The following LHFPL6 variants were observed in gnomAD, a reference collection of about 807,000 sequenced individuals.
LHFPL6 encodes LHFPL tetraspan subfamily member 6, also known as LHFPL tetraspan subfamily member 6 protein.
Under a neutral mutation model 20.6 loss-of-function variants are expected in LHFPL6, and 9 were observed. That is an observed-to-expected ratio of 0.44 (90% confidence interval 0.26 to 0.76). The LOEUF (loss-of-function observed/expected upper bound fraction) is 0.76, where lower values mean the gene tolerates loss of function less well. Among genes scored for constraint, LHFPL6 ranks in the 30% least tolerant of loss-of-function variants. The probability of loss-of-function intolerance (pLI) is 0.20; values close to 1 mark genes in which losing one functional copy is unlikely to be tolerated. For missense variants in LHFPL6, 218 were observed against 253.5 expected (o/e 0.86, Z 0.95); for synonymous variants, 105 against 98.7 (o/e 1.06, Z -0.38).
At position 39,537,301 on chromosome 13, in the gene LHFPL6, T is replaced by C. The variant is rs188161770; in HGVS notation, c.385+63531A>G. On this transcript the variant is annotated intron_variant, in intron 2 of 3. Coordinates refer to ENST00000379589, the MANE Select transcript of LHFPL6 (RefSeq NM_005780.3). Reference sequence around the variant, plus strand: ...GGATGATGCATCAAAACCTAGACCTTGGGTATAAAACACAAGTTTATGAAC... The same window carrying C: ...GGATGATGCATCAAAACCTAGACCTCGGGTATAAAACACAAGTTTATGAAC... Among the ~76,000 whole-genome samples the C allele has an allele frequency of 2.9e-3, 441 of 152,286 alleles. 2 individuals are homozygous for C. Among genetic ancestry groups the C allele is most frequent in the African/African-American group, 0.01 (420 of 41,562 alleles).
chr13:39,426,115 T>C (rs1168047977), intron 2 of LHFPL6, among the ~76,000 whole-genome samples: 1 of 152,218 alleles, frequency 6.6e-6, no homozygotes, highest in Non-Finnish European at 1.5e-5. Context: ...CAAAACTTTT[T>C]CATCACCTCA....
At chr13:39,414,324 AAT>A (rs1566106033) in intron 2 of LHFPL6, among the ~76,000 whole-genome samples, 1 of 152,250 alleles carries the variant, frequency 6.6e-6, no homozygotes, top group South Asian at 2.1e-4. Flanking sequence ...TAGCTGTGAG[AAT>A]ATGTGTCAAC....
intron 2 of LHFPL6, among the ~76,000 whole-genome samples, chr13:39,478,184 T>C (rs1256013606): frequency 2.0e-5 from 3 of 152,186 alleles, no homozygotes; most frequent in Non-Finnish European, 4.4e-5. Flanking sequence ...TGAGGATCCC[T>C]GCCTTCAAGG....
At chr13:39,591,507 T>A (rs1872590123) in intron 2 of LHFPL6, among the ~76,000 whole-genome samples, 1 of 152,188 alleles carries the variant, frequency 6.6e-6, no homozygotes, top group African/African-American at 2.4e-5. Context: ...TCAAATCACA[T>A]CACCCCCAAA....
At chr13:39,399,426 T>C (rs1237674906) in intron 2 of LHFPL6, among the ~76,000 whole-genome samples, 1 of 152,174 alleles carries the variant, frequency 6.6e-6, no homozygotes, top group Non-Finnish European at 1.5e-5. Context: ...TAGCATTTAT[T>C]AGAGGAGGAA....
At chr13:39,359,566 T>C (rs1012085611) in intron 3 of LHFPL6, among the ~76,000 whole-genome samples, 8 of 152,100 alleles carry the variant, frequency 5.3e-5, no homozygotes, top group African/African-American at 2.4e-5. Context: ...CATTTATAAA[T>C]GGGGGCAAAA....
intron 2 of LHFPL6, among the ~76,000 whole-genome samples, chr13:39,410,438 C>G (rs1871219282): frequency 6.6e-6 from 1 of 152,168 alleles, no homozygotes; most frequent in African/African-American, 2.4e-5. Context: ...CATGGAACAC[C>G]ACCACTAAAC....
At chr13:39,368,926 T>C (rs1035930802) in intron 3 of LHFPL6, among the ~76,000 whole-genome samples, 10 of 152,176 alleles carry the variant, frequency 6.6e-5, no homozygotes, top group Non-Finnish European at 1.3e-4. Flanking sequence ...CTTCTTTCTG[T>C]TTTATATTTT....
Position 39,562,340 on chromosome 13 carries a change from G to GTA in LHFPL6, c.385+38490_385+38491dup, listed in dbSNP as rs1267874012. Among the ~76,000 whole-genome samples the GTA allele has an allele frequency of 8.4e-5, 9 of 106,676 alleles. No individual in the cohort carries two copies. In the South Asian group the frequency reaches 1.4e-3, roughly 16 times the overall value. 70.0% of individuals were successfully genotyped at this position (106,676 alleles called of 152,430 possible). ...AACCATGTTCTGAGTGTGTGTGTGT[G>GTA]TATATATATACATATATATACATAT... On this transcript the variant is annotated intron_variant, in intron 2 of 3. Transcript: ENST00000379589.
At position 39,581,629 on chromosome 13, in the gene LHFPL6, T is replaced by C. The variant is rs543850023; in HGVS notation, c.385+19203A>G. Among the ~76,000 whole-genome samples, 17 of 151,018 alleles carry C rather than the reference T, an allele frequency of 1.1e-4. 1 individual carries two copies. In the East Asian group the frequency reaches 3.1e-3, roughly 28 times the overall value. On this transcript the variant is annotated intron_variant, in intron 2 of 3. Transcript: ENST00000379589. ...TTTTTTCTAACTACATGGTCACTTC[T>C]AGATTCTGCTTTCCCCCAAGGTATC...
At chr13:39,434,443 A>T (rs1251132469) in intron 2 of LHFPL6, among the ~76,000 whole-genome samples, 1 of 152,214 alleles carries the variant, frequency 6.6e-6, no homozygotes, top group African/African-American at 2.4e-5. Context: ...AGTGATTCTA[A>T]TTTCATTTTT....
intron 2 of LHFPL6, among the ~76,000 whole-genome samples, chr13:39,506,261 A>G (rs2138469038): frequency 6.6e-6 from 1 of 152,332 alleles, no homozygotes; most frequent in African/African-American, 2.4e-5. Flanking sequence ...AAACAAGAAG[A>G]GGCTACCATA....
intron 2 of LHFPL6, among the ~76,000 whole-genome samples, chr13:39,515,907 T>C (rs1181960344): frequency 6.6e-6 from 1 of 152,206 alleles, no homozygotes; most frequent in African/African-American, 2.4e-5. Flanking sequence ...GAAAAAAACA[T>C]AGCTTGAATG....
chr13:39,422,601 AAAAG>A lies in LHFPL6; in HGVS notation c.386-44079_386-44076del, dbSNP rs1435578697. ...AACTCCAACTCAAAAAAAAAAAAAA[AAAAG>A]AAGAAGAAGAAGAAGAAAACACAAT... On this transcript the variant is annotated intron_variant, in intron 2 of 3. Coordinates refer to ENST00000379589, the MANE Select transcript of LHFPL6 (RefSeq NM_005780.3). Among the ~76,000 whole-genome samples, 51 of 134,898 alleles carry A rather than the reference AAAAG, an allele frequency of 3.8e-4. No homozygotes were observed. In the South Asian group the frequency reaches 9.4e-3, roughly 25 times the overall value. 88.5% of individuals were successfully genotyped at this position (134,898 alleles called of 152,430 possible).
intron 2 of LHFPL6, among the ~76,000 whole-genome samples, chr13:39,503,052 C>A (rs571824446): frequency 6.6e-6 from 1 of 152,150 alleles, no homozygotes; most frequent in Non-Finnish European, 1.5e-5. Flanking sequence ...GCCACCACAC[C>A]TAGCCAATAA....
At chr13:39,448,864 T>G (rs1433788048) in intron 2 of LHFPL6, among the ~76,000 whole-genome samples, 2 of 152,222 alleles carry the variant, frequency 1.3e-5, no homozygotes, top group Non-Finnish European at 2.9e-5. Flanking sequence ...ATATTCTACT[T>G]TGTAAAGGGG....
rs149410029 is a variant in LHFPL6, at chr13:39,428,506, G to A, written c.386-49980C>T. Reference sequence around the variant, plus strand: ...GTATGCAGTGATTTATAATCTTCCCGTATTATCATTGTAATCTATAGCATC... The same window carrying A: ...GTATGCAGTGATTTATAATCTTCCCATATTATCATTGTAATCTATAGCATC... On this transcript the variant is annotated intron_variant, in intron 2 of 3. Coordinates refer to ENST00000379589, the MANE Select transcript of LHFPL6 (RefSeq NM_005780.3). Among the ~76,000 whole-genome samples the A allele has an allele frequency of 5.3e-5, 8 of 152,104 alleles. No homozygotes were observed. The East Asian group carries it at 5.8e-4, about 11-fold the overall frequency.
intron 2 of LHFPL6, among the ~76,000 whole-genome samples, chr13:39,395,455 A>G (rs187852180): frequency 8.5e-4 from 130 of 152,282 alleles, no homozygotes; most frequent in Non-Finnish European, 1.4e-3. Context: ...CTCCTCTTCC[A>G]GGATCTAGTT....
chr13:39,509,041 G>A (rs1869593104), intron 2 of LHFPL6, among the ~76,000 whole-genome samples: 1 of 151,992 alleles, frequency 6.6e-6, no homozygotes, highest in Non-Finnish European at 1.5e-5. Context: ...AGTCATTCTA[G>A]TAAGCACTGA....
Sources: gnomAD v4.1 joint callset for allele counts (sites outside exome capture counted in the v4.1 genomes callset) on GRCh38, gnomAD v4.1.1 for gene constraint, MANE v1.5 for transcripts, NCBI Gene and HGNC (gene_info 2026-07-23, HGNC 2026-07-21) for gene names.